VTI1A: variants seen among roughly 807,000 people sequenced by gnomAD.
The protein encoded by VTI1A is vesicle transport through interaction with t-SNAREs 1A.
VTI1A carries 22 observed loss-of-function variants against 34.9 expected under a neutral mutation model. The observed-to-expected ratio is 0.63, with a 90% CI of 0.45 to 0.90. The LOEUF (loss-of-function observed/expected upper bound fraction) is 0.90, where lower values mean the gene tolerates loss of function less well. Ranked by LOEUF, VTI1A falls within the 40% of genes least tolerant of loss-of-function variation. VTI1A has a pLI of 0.00. For missense variants in VTI1A, 268 were observed against 275.6 expected (o/e 0.97, Z 0.20); for synonymous variants, 87 against 97.3 (o/e 0.89, Z 0.62).
At chr10:112,618,282 G>A (rs1196347678) in intron 5 of VTI1A, among the ~76,000 whole-genome samples, 1 of 151,476 alleles carries the variant, frequency 6.6e-6, no homozygotes, top group Non-Finnish European at 1.5e-5. Flanking sequence ...TAATAGAATG[G>A]TGAAAATGAA....
At chr10:112,510,509 A>G (rs2134177634) in intron 3 of VTI1A, among the ~76,000 whole-genome samples, 1 of 152,212 alleles carries the variant, frequency 6.6e-6, no homozygotes, top group Non-Finnish European at 1.5e-5. Context: ...AGCAGCATGC[A>G]CCTGTAGTAC....
intron 3 of VTI1A, among the ~76,000 whole-genome samples, chr10:112,509,884 C>CTTTGTGAAAGGT: frequency 6.6e-6 from 1 of 152,202 alleles, no homozygotes; most frequent in Non-Finnish European, 1.5e-5. Context: ...TAAGGGACCT[C>CTTTGTGAAAGGT]CTTCCTGAGG....
chr10:112,678,038 C>A (rs1004519832), intron 7 of VTI1A, among the ~76,000 whole-genome samples: 1 of 152,164 alleles, frequency 6.6e-6, no homozygotes. Context: ...GGAAACCCTG[C>A]GGGTTTTTAT....
chr10:112,662,405 A>G (rs1208577726), intron 5 of VTI1A, among the ~76,000 whole-genome samples: 2 of 152,122 alleles, frequency 1.3e-5, no homozygotes, highest in African/African-American at 4.8e-5. Context: ...GTTCATGTTC[A>G]GTGATCCTTT....
intron 5 of VTI1A, among the ~76,000 whole-genome samples, chr10:112,655,152 C>T (rs1238311612): frequency 6.6e-6 from 1 of 152,156 alleles, no homozygotes; most frequent in Non-Finnish European, 1.5e-5. Flanking sequence ...CATACACACC[C>T]GTACTGAATT....
At chr10:112,821,266 C>G (rs1457653629), downstream of VTI1A, among the ~76,000 whole-genome samples, 3 of 152,154 alleles carry the variant, frequency 2.0e-5, no homozygotes, top group Admixed American at 1.3e-4. Flanking sequence ...CCGGCTCCGC[C>G]GAGAGCTGCC....
intron 7 of VTI1A, among the ~76,000 whole-genome samples, chr10:112,691,718 G>A (rs928570691): frequency 1.2e-4 from 19 of 152,326 alleles, no homozygotes; most frequent in African/African-American, 4.6e-4. Context: ...CCTGATGGGA[G>A]GGTACATTGA....
chr10:112,678,107 C>A (rs2133854066), intron 7 of VTI1A, among the ~76,000 whole-genome samples: 1 of 152,246 alleles, frequency 6.6e-6, no homozygotes, highest in Non-Finnish European at 1.5e-5. Context: ...TGTAACTTCC[C>A]AATAAGAGAA....
intron 5 of VTI1A, among the ~76,000 whole-genome samples, chr10:112,566,460 G>T (rs1368156367): frequency 6.6e-6 from 1 of 152,132 alleles, no homozygotes; most frequent in African/African-American, 2.4e-5. Flanking sequence ...AATTTGACTT[G>T]TACATTTAAA....
chr10:112,547,656 G>T (rs935319053), intron 5 of VTI1A, among the ~76,000 whole-genome samples: 10 of 152,130 alleles, frequency 6.6e-5, no homozygotes, highest in Non-Finnish European at 1.3e-4. Flanking sequence ...CCACTGACCT[G>T]TTTTACATGA....
chr10:112,449,874 T>G (rs1438906773), intron 1 of VTI1A: 3 of 152,262 alleles, frequency 2.0e-5, no homozygotes, highest in Non-Finnish European at 4.4e-5. Context: ...GAAGAATGCT[T>G]ACTGACTTGT....
At chr10:112,527,215 T>G (rs1850263855) in intron 4 of VTI1A, 51 bp downstream of exon 4, 7 of 1,527,192 alleles carry the variant, frequency 4.6e-6, no homozygotes, top group Admixed American at 1.7e-5. Context: ...GTGAAGGAGG[T>G]CACTGGCGCA....
intron 1 of VTI1A, among the ~76,000 whole-genome samples, chr10:112,457,278 C>A (rs1847567066): frequency 6.6e-6 from 1 of 152,194 alleles, no homozygotes; most frequent in South Asian, 2.1e-4. Context: ...AGTAGCATAG[C>A]TTCTTTTGCA....
chr10:112,516,883 A>G (rs1849801459), intron 3 of VTI1A, among the ~76,000 whole-genome samples: 1 of 152,102 alleles, frequency 6.6e-6, no homozygotes, highest in Non-Finnish European at 1.5e-5. Context: ...GAGGTGGAGC[A>G]TGCGGTAGGA....
At chr10:112,498,669 G>A (rs2134146612) in intron 3 of VTI1A, among the ~76,000 whole-genome samples, 1 of 152,236 alleles carries the variant, frequency 6.6e-6, no homozygotes, top group Non-Finnish European at 1.5e-5. Context: ...CTATTGATTT[G>A]CTATTTTTGA....
intron 5 of VTI1A, among the ~76,000 whole-genome samples, chr10:112,616,717 A>G (rs1845524528): frequency 6.6e-6 from 1 of 152,190 alleles, no homozygotes; most frequent in Non-Finnish European, 1.5e-5. Context: ...ATCAAGCAAT[A>G]TAAGACTATT....
At chr10:112,486,583 T>C (rs1254909345) in intron 3 of VTI1A, among the ~76,000 whole-genome samples, 5 of 150,634 alleles carry the variant, frequency 3.3e-5, no homozygotes, top group Non-Finnish European at 7.4e-5. Flanking sequence ...TTCGACACTG[T>C]TAAATCCAAG....
At chr10:112,548,862 A>C in intron 5 of VTI1A, 1 of 1,417,324 alleles carries the variant, frequency 7.1e-7, no homozygotes, top group Non-Finnish European at 9.6e-7. Flanking sequence ...TTTTACCGGA[A>C]CGGTGATCAA....
At chr10:112,639,264 C>T (rs1317463734) in intron 5 of VTI1A, among the ~76,000 whole-genome samples, 2 of 152,102 alleles carry the variant, frequency 1.3e-5, no homozygotes, top group South Asian at 2.1e-4. Flanking sequence ...ATTAAAAATG[C>T]ATAATGAGAG....
Sources: allele counts gnomAD v4.1 joint callset (sites outside exome capture counted in the v4.1 genomes callset), GRCh38; gene constraint gnomAD v4.1.1; transcripts MANE v1.5; gene names NCBI Gene and HGNC (gene_info 2026-07-23, HGNC 2026-07-21).